Variants in NXPE2 observed in about 807,000 individuals in gnomAD.
NXPE2 encodes neurexophilin and PC-esterase domain family member 2, also known as NXPE family member 2.
A neutral mutation model predicts 34.4 loss-of-function variants in NXPE2; 34 were observed. The observed-to-expected ratio is 0.99, with a 90% confidence interval of 0.75 to 1.31. The LOEUF (loss-of-function observed/expected upper bound fraction) is 1.31, where lower values mean the gene tolerates loss of function less well. Among genes scored for constraint, NXPE2 ranks in the 40% most tolerant of loss-of-function variants. NXPE2 has a pLI of 0.00. For synonymous variants in NXPE2, 235 were observed against 231.3 expected (o/e 1.02, Z -0.15); for missense variants, 649 against 672.5 (o/e 0.97, Z 0.39).
the NXPE2 span, among the ~76,000 whole-genome samples, chr11:114,555,628 G>T: frequency 6.6e-6 from 1 of 152,172 alleles, no homozygotes; most frequent in African/African-American, 2.4e-5. Flanking sequence ...CCACCCCAAA[G>T]TTCCATTTCC....
chr11:114,611,595 G>A, the NXPE2 span, among the ~76,000 whole-genome samples: 1 of 151,722 alleles, frequency 6.6e-6, no homozygotes, highest in East Asian at 2.0e-4. Context: ...GTTGTGTCGT[G>A]GGTCACAATT....
At chr11:114,725,967 TAA>T in the NXPE2 span, among the ~76,000 whole-genome samples, 18 of 77,042 alleles carry the variant, frequency 2.3e-4, 1 homozygote, top group East Asian at 1.4e-3. Flanking sequence ...TAAAGTATAA[TAA>T]AAAAAAAATA....
chr11:114,540,837 CTTTTT>C, the NXPE2 span, among the ~76,000 whole-genome samples: 5 of 47,460 alleles, frequency 1.1e-4, no homozygotes, highest in East Asian at 8.9e-4. Flanking sequence ...AGAAAGCCAT[CTTTTT>C]TTTTTTTTTT....
the NXPE2 span, among the ~76,000 whole-genome samples, chr11:114,537,957 G>T: frequency 2.0e-5 from 3 of 151,802 alleles, no homozygotes; most frequent in Non-Finnish European, 2.9e-5. Flanking sequence ...GAACCAAAAA[G>T]CCCACATTGC....
chr11:114,577,026 T>C, the NXPE2 span, among the ~76,000 whole-genome samples: 36 of 22,928 alleles, frequency 1.6e-3, no homozygotes, highest in Middle Eastern at 0.019. Flanking sequence ...TATATATATA[T>C]ACATATATAT....
chr11:114,691,023 A>G (rs1340126403), intron 2 of NXPE2, among the ~76,000 whole-genome samples: 5 of 151,764 alleles, frequency 3.3e-5, no homozygotes, highest in Admixed American at 3.3e-4. Flanking sequence ...ATTTCTTTTG[A>G]ATCTTGTTGA....
At chr11:114,723,723 G>A in the NXPE2 span, among the ~76,000 whole-genome samples, 3,738 of 152,146 alleles carry the variant, frequency 0.025, 155 homozygotes, top group African/African-American at 0.085. Context: ...GTCTCTGGTG[G>A]GGGTGGGTGT....
At chr11:114,571,403 G>T in the NXPE2 span, 1 of 1,613,580 alleles carries the variant, frequency 6.2e-7, no homozygotes, top group Non-Finnish European at 8.5e-7. Flanking sequence ...GGATGTTGAT[G>T]TTCCTATCCA....
At chr11:114,587,087 G>A in the NXPE2 span, among the ~76,000 whole-genome samples, 124 of 152,224 alleles carry the variant, frequency 8.1e-4, no homozygotes, top group African/African-American at 2.8e-3. Context: ...GCCCTTTGCG[G>A]AAACACTCTT....
At chr11:114,507,055 A>G in the NXPE2 span, among the ~76,000 whole-genome samples, 42 of 152,206 alleles carry the variant, frequency 2.8e-4, no homozygotes, top group East Asian at 6.2e-3. Context: ...CCACTGACCC[A>G]TAAGAAATAC....
At chr11:114,665,295 C>T in the NXPE2 span, among the ~76,000 whole-genome samples, 1 of 152,126 alleles carries the variant, frequency 6.6e-6, no homozygotes, top group Admixed American at 6.6e-5. Context: ...ATTTCTCCCC[C>T]ACAATCTCTC....
At chr11:114,722,705 T>C in the NXPE2 span, among the ~76,000 whole-genome samples, 1 of 152,192 alleles carries the variant, frequency 6.6e-6, no homozygotes, top group African/African-American at 2.4e-5. Context: ...GTGCTGCATA[T>C]GAGCACTGCT....
chr11:114,509,472 A>G, the NXPE2 span, among the ~76,000 whole-genome samples: 2 of 152,314 alleles, frequency 1.3e-5, no homozygotes, highest in Non-Finnish European at 2.9e-5. Flanking sequence ...ACATGCATGC[A>G]TATGCTCGTT....
At chr11:114,625,230 C>T in the NXPE2 span, among the ~76,000 whole-genome samples, 5 of 149,108 alleles carry the variant, frequency 3.4e-5, no homozygotes, top group Non-Finnish European at 7.4e-5. Context: ...TTGGATAATA[C>T]GTATTGCCTC....
the NXPE2 span, among the ~76,000 whole-genome samples, chr11:114,602,263 AAT>A: frequency 8.4e-5 from 10 of 118,404 alleles, no homozygotes; most frequent in African/African-American, 3.1e-4. Context: ...TGTTATATAT[AAT>A]ATATATTATA....
the NXPE2 span, among the ~76,000 whole-genome samples, chr11:114,606,195 C>G: frequency 6.6e-6 from 1 of 151,516 alleles, no homozygotes; most frequent in Non-Finnish European, 1.5e-5. Flanking sequence ...TCACAGTTAC[C>G]CGGTGGATAA....
chr11:114,673,680 C>G (rs1163310063), upstream of NXPE2, among the ~76,000 whole-genome samples: 1 of 151,778 alleles, frequency 6.6e-6, no homozygotes, highest in Admixed American at 6.6e-5. Context: ...ACCCCTAACT[C>G]TCTATGCCAA....
In NXPE2 at chr11:114,698,584, C is replaced by T. The variant is rs762239918; in HGVS notation, c.672C>T (p.Ser224=). The T allele has an allele frequency of 1.1e-5, 17 of 1,614,182 alleles. No individual in the cohort carries two copies. The African/African-American group carries it at 1.6e-4, about 15-fold the overall frequency. The change falls in exon 3 of 6, where the codon AGC becomes AGT. Residue 224 remains serine (S), a synonymous_variant. Coordinates refer to ENST00000389586, the MANE Select transcript of NXPE2 (RefSeq NM_182495.6). ...TCACTGGCCTGTTTGCCAACAGAAG[C>T]TCCAATGTCTTCACTGAATGTGGCC... The part of the protein sequence containing the change: ...IIFTGLFANR[S]SNVFTECGLT...
At chr11:114,532,532 T>C in the NXPE2 span, among the ~76,000 whole-genome samples, 1 of 152,122 alleles carries the variant, frequency 6.6e-6, no homozygotes, top group Non-Finnish European at 1.5e-5. Flanking sequence ...AGTCACAGGC[T>C]GAGATGCTTT....
Sources: gnomAD v4.1 joint callset for allele counts (sites outside exome capture counted in the v4.1 genomes callset) on GRCh38, gnomAD v4.1.1 for gene constraint, MANE v1.5 for transcripts, NCBI Gene and HGNC (gene_info 2026-07-23, HGNC 2026-07-21) for gene names.